ARNT2: variants seen among roughly 807,000 people sequenced by gnomAD.
ARNT2 encodes aryl hydrocarbon receptor nuclear translocator 2.
ARNT2 carries 36 observed loss-of-function variants against 91.7 expected under a neutral mutation model. The observed-to-expected ratio is 0.39, with a 90% confidence interval of 0.30 to 0.52. The LOEUF is 0.52. ARNT2 is among the 20% of genes least tolerant of loss of function. The pLI, the probability that ARNT2 is intolerant of heterozygous loss-of-function variation, is 0.72. For missense variants in ARNT2, 775 were observed against 939.3 expected, an observed-to-expected ratio of 0.83 and a Z score of 2.29; for synonymous variants, 365 against 347.1, an observed-to-expected ratio of 1.05 and a Z score of -0.57.
chr15:80,555,387 G>A, intron 11 of ARNT2: 1 of 463,668 alleles, frequency 2.2e-6, no homozygotes. Context: ...AGAGCACAGA[G>A]GCTGGAGAGG....
At position 80,591,771 on chromosome 15, in the gene ARNT2, G is replaced by T; in HGVS notation, c.2055+67G>T. The T allele has an allele frequency of 6.3e-7, 1 of 1,598,718 alleles. No homozygotes were observed. The highest frequency in any genetic ancestry group is 8.5e-7 in the Non-Finnish European group (1 of 1,170,406). On this transcript the variant is annotated intron_variant, in intron 18 of 18. Transcript: ENST00000303329. This position sits in a 1 kb window ranked among gnomAD's most constrained non-coding sequence, Gnocchi z 5.1. ...TTCTCTCTGCTTCCTTTCCCCCTCG[G>T]TCTCTGCCGCACCACCGCCTGCCCG...
At chr15:80,479,474 T>C (rs1175356025) in intron 5 of ARNT2, among the ~76,000 whole-genome samples, 2 of 152,212 alleles carry the variant, frequency 1.3e-5, no homozygotes, top group East Asian at 3.8e-4. Flanking sequence ...ATGACACTGC[T>C]AGTGGAAAAG....
intron 5 of ARNT2, among the ~76,000 whole-genome samples, chr15:80,503,210 TG>T: frequency 6.6e-6 from 1 of 152,366 alleles, no homozygotes; most frequent in South Asian, 2.1e-4. Flanking sequence ...CCAGGTCTCC[TG>T]TGGGATGGAG....
intron 1 of ARNT2, among the ~76,000 whole-genome samples, chr15:80,421,453 G>A (rs1406313491): frequency 2.0e-5 from 3 of 151,956 alleles, no homozygotes; most frequent in African/African-American, 2.4e-5. Flanking sequence ...AAGAAAGAAG[G>A]AAGGAAGGAA....
chr15:80,493,225 C>T (rs1461125859), intron 5 of ARNT2, among the ~76,000 whole-genome samples: 2 of 152,188 alleles, frequency 1.3e-5, no homozygotes, highest in South Asian at 2.1e-4. Flanking sequence ...TTCATGAGGG[C>T]TCTGCCCTCC....
rs375022257 is a variant in ARNT2 at position 80,581,359 on chromosome 15, A to G, written c.1873A>G (p.Ser625Gly). The change falls in exon 17 of 19, where the codon AGT (serine) becomes GGT (glycine). Residue 625 changes from serine (S) to glycine (G), a missense_variant. This residue lies in a region of ARNT2 where 325 missense variants were observed against 359.9 expected (regional missense o/e 0.90). Transcript: ENST00000303329. ...CTCCAGCCCAGCTACCTCCTCGCCAAGTGGGAATGCCTACTCCAGTCTTGC... is the reference window on the plus strand; with the variant it reads ...CTCCAGCCCAGCTACCTCCTCGCCAGGTGGGAATGCCTACTCCAGTCTTGC... The part of the protein sequence containing the change: ...PLSSPATSSP[S>G]GNAYSSLANR... 3.1e-6 allele frequency: 5 copies of G among 1,614,112 alleles called. No individual in the cohort carries two copies. The highest frequency in any genetic ancestry group is 4.2e-6 in the Non-Finnish European group (5 of 1,180,018).
At chr15:80,560,669 G>A (rs142553444) in intron 11 of ARNT2, among the ~76,000 whole-genome samples, 3 of 152,314 alleles carry the variant, frequency 2.0e-5, no homozygotes, top group Middle Eastern at 3.4e-3. Flanking sequence ...GTTTCAAAAC[G>A]TGGACAGTGA....
intron 2 of ARNT2, among the ~76,000 whole-genome samples, chr15:80,453,718 G>A (rs536383629): frequency 1.2e-4 from 18 of 152,268 alleles, no homozygotes; most frequent in Middle Eastern, 6.8e-3. Context: ...CCTACTGATG[G>A]CATGGTGTTC....
intron 5 of ARNT2, among the ~76,000 whole-genome samples, chr15:80,492,243 GC>G (rs886388691): frequency 3.5e-4 from 53 of 152,236 alleles, no homozygotes; most frequent in African/African-American, 1.3e-3. Flanking sequence ...GTCTGGTGTT[GC>G]CCAGGCTGAT....
At chr15:80,526,579 G>A (rs1235591051) in intron 8 of ARNT2, among the ~76,000 whole-genome samples, 1 of 152,234 alleles carries the variant, frequency 6.6e-6, no homozygotes, top group Non-Finnish European at 1.5e-5. Flanking sequence ...GTCTGACCCT[G>A]GCAGCTTGAC....
intron 1 of ARNT2, chr15:80,441,145 A>C (rs1376010624): frequency 2.2e-6 from 2 of 904,274 alleles, no homozygotes; most frequent in Non-Finnish European, 2.6e-6. Flanking sequence ...TAAGCAGTTA[A>C]TGCTAGAAAT....
intron 8 of ARNT2, among the ~76,000 whole-genome samples, chr15:80,528,428 T>C (rs1012762822): frequency 1.3e-5 from 2 of 152,144 alleles, no homozygotes; most frequent in Non-Finnish European, 2.9e-5. Context: ...CATCTATCTA[T>C]CCATCATCTA....
At position 80,591,556 on chromosome 15, in the gene ARNT2, C is replaced by T. The variant is rs374287534; in HGVS notation, c.1919-12C>T. The T allele has an allele frequency of 3.1e-6, 5 of 1,613,878 alleles. No individual in the cohort carries two copies. The highest frequency in any genetic ancestry group is 1.3e-5 in the African/African-American group (1 of 74,892). Reference sequence around the variant, plus strand: ...CTTTTAAAGGAAGTGTCCTGTGTGTCGAATCTTTCAGCTGAAAGTGGACAA... The same window carrying T: ...CTTTTAAAGGAAGTGTCCTGTGTGTTGAATCTTTCAGCTGAAAGTGGACAA... On this transcript the variant is annotated splice_polypyrimidine_tract_variant and intron_variant, in intron 17 of 18. Transcript: ENST00000303329. The surrounding 1 kb of genome is among the most constrained non-coding windows in gnomAD (Gnocchi z 5.1).
intron 1 of ARNT2, among the ~76,000 whole-genome samples, chr15:80,429,982 T>C (rs1329104636): frequency 2.0e-5 from 3 of 152,116 alleles, no homozygotes; most frequent in Non-Finnish European, 4.4e-5. Flanking sequence ...CCCTGGGACA[T>C]CACTGTCACC....
intron 1 of ARNT2, among the ~76,000 whole-genome samples, chr15:80,440,501 C>T (rs1417853775): frequency 2.0e-5 from 3 of 152,176 alleles, no homozygotes; most frequent in South Asian, 2.1e-4. Context: ...TTAGTGGGTT[C>T]GGACACTAGT....
chr15:80,477,365 G>A (rs1040559419), intron 5 of ARNT2, among the ~76,000 whole-genome samples: 1 of 152,122 alleles, frequency 6.6e-6, no homozygotes. Context: ...ATGGTGGAAG[G>A]GACTAGCTAT....
chr15:80,429,245 C>T (rs1205447517), intron 1 of ARNT2, among the ~76,000 whole-genome samples: 2 of 152,170 alleles, frequency 1.3e-5, no homozygotes, highest in African/African-American at 2.4e-5. Flanking sequence ...GGGGCTGGGC[C>T]GTGCTCTGTG....
chr15:80,587,789 A>G (rs530102396), intron 17 of ARNT2, among the ~76,000 whole-genome samples: 1 of 152,314 alleles, frequency 6.6e-6, no homozygotes, highest in East Asian at 1.9e-4. Context: ...GAAAGAACAC[A>G]TGTGCAGTAG....
At chr15:80,513,614 C>T (rs1000151304) in intron 6 of ARNT2, among the ~76,000 whole-genome samples, 37 of 151,528 alleles carry the variant, frequency 2.4e-4, no homozygotes, top group African/African-American at 9.0e-4. Context: ...CTGAGCATGG[C>T]CAGGTCTCTC....
Sources: allele counts gnomAD v4.1 joint callset (sites outside exome capture counted in the v4.1 genomes callset), GRCh38; gene constraint gnomAD v4.1.1; regional missense constraint gnomAD v4.1.1; non-coding constraint Gnocchi (gnomAD v3.1); transcripts MANE v1.5; gene names NCBI Gene and HGNC (gene_info 2026-07-23, HGNC 2026-07-21).